The following ACYP2 variants were observed in gnomAD, a reference collection of about 807,000 sequenced individuals.
ACYP2 encodes acylphosphatase 2.
Under a neutral mutation model 11.2 loss-of-function variants are expected in ACYP2, and 12 were observed. That is an observed-to-expected ratio of 1.08 (90% CI 0.69 to 1.74). ACYP2 has a LOEUF of 1.74. Among genes scored for constraint, ACYP2 ranks in the 40% most tolerant of loss-of-function variants. ACYP2 has a pLI of 0.00. For missense variants in ACYP2, 134 were observed against 101.9 expected (o/e 1.31, Z -1.35); for synonymous variants, 43 against 32.2 (o/e 1.33, Z -1.13).
At position 54,002,900 on chromosome 2, in the gene ACYP2, G is replaced by A. The variant is rs1009775557; in HGVS notation, c.62+29090G>A. On this transcript the variant is annotated intron_variant, in intron 2 of 6. Coordinates refer to ENST00000607452, the MANE Select transcript of ACYP2 (RefSeq NM_001320586.2). The stretch of plus-strand genomic sequence containing the variant: ...TCACCTCAGGTGATCCGCCCGCCTC[G>A]GCCTCCCAAAGTGCTGGGATTACAG... 6.0e-5 allele frequency among the ~76,000 whole-genome samples: 9 copies of A among 150,878 alleles called. No homozygotes were observed. In the East Asian group the frequency reaches 9.8e-4, roughly 16 times the overall value.
intron 6 of ACYP2, among the ~76,000 whole-genome samples, chr2:54,196,724 G>A (rs1684497014): frequency 6.7e-6 from 1 of 148,806 alleles, no homozygotes; most frequent in Admixed American, 6.6e-5. Flanking sequence ...ACCCCCAGTC[G>A]TGGTCACCAA....
At chr2:54,050,077 G>A (rs1675757297) in intron 2 of ACYP2, among the ~76,000 whole-genome samples, 1 of 151,896 alleles carries the variant, frequency 6.6e-6, no homozygotes, top group South Asian at 2.1e-4. Context: ...AACATCAATA[G>A]GTTCTTGGAA....
At chr2:54,246,500 G>C (rs752097026) in intron 6 of ACYP2, among the ~76,000 whole-genome samples, 1 of 151,640 alleles carries the variant, frequency 6.6e-6, no homozygotes, top group East Asian at 1.9e-4. Flanking sequence ...TGCTATTGTA[G>C]ATAGTCTTCC....
At chr2:54,228,263 C>T (rs13415920) in intron 6 of ACYP2, among the ~76,000 whole-genome samples, 3 of 152,116 alleles carry the variant, frequency 2.0e-5, no homozygotes, top group African/African-American at 7.2e-5. Flanking sequence ...GAGCAAAGGT[C>T]TAAAGATAGT....
chr2:54,026,822 C>T (rs753232037), intron 2 of ACYP2, among the ~76,000 whole-genome samples: 1 of 151,584 alleles, frequency 6.6e-6, no homozygotes, highest in Non-Finnish European at 1.5e-5. Context: ...AACCAAACAT[C>T]GTATGTTCTC....
At chr2:54,264,413 T>C (rs1280321276) in intron 6 of ACYP2, among the ~76,000 whole-genome samples, 1 of 152,152 alleles carries the variant, frequency 6.6e-6, no homozygotes, top group East Asian at 1.9e-4. Context: ...TACAATCCTC[T>C]AGCTAGGCAG....
intron 4 of ACYP2, among the ~76,000 whole-genome samples, chr2:54,130,146 T>C (rs1680815508): frequency 6.6e-6 from 1 of 152,162 alleles, no homozygotes. Flanking sequence ...AAACAATGTA[T>C]GTGCAAGAAA....
At chr2:54,090,153 A>G (rs943833179) in intron 4 of ACYP2, among the ~76,000 whole-genome samples, 9 of 152,086 alleles carry the variant, frequency 5.9e-5, no homozygotes, top group Non-Finnish European at 8.8e-5. Flanking sequence ...TCAAAAAAAA[A>G]AAAAAGTTTG....
chr2:54,068,500 C>T lies in ACYP2; in HGVS notation c.277+11140C>T, dbSNP rs139097600. ...TGTGGGATGGCCATTGCTTTCGACT[C>T]ATGTGGATTAAGAAGAAACAGGTAT... is the stretch of plus-strand genomic sequence containing the variant. On this transcript the variant is annotated intron_variant, in intron 4 of 6. Transcript: ENST00000607452. 3.3e-5 allele frequency among the ~76,000 whole-genome samples: 5 copies of T among 152,260 alleles called. No individual in the cohort carries two copies. In the East Asian group the frequency reaches 9.7e-4, roughly 29 times the overall value.
At chr2:54,147,617 T>C (rs1323751032) in intron 6 of ACYP2, among the ~76,000 whole-genome samples, 1 of 152,176 alleles carries the variant, frequency 6.6e-6, no homozygotes, top group African/African-American at 2.4e-5. Context: ...CTTGATCTCC[T>C]GGGCTCAAGT....
chr2:54,027,397 A>G (rs908476790), intron 2 of ACYP2, among the ~76,000 whole-genome samples: 7 of 152,170 alleles, frequency 4.6e-5, no homozygotes, highest in Middle Eastern at 3.2e-3. Context: ...GGGAAGAAAT[A>G]TCAAACAGGG....
At chr2:54,011,977 T>G (rs1294062286) in intron 2 of ACYP2, among the ~76,000 whole-genome samples, 3 of 152,138 alleles carry the variant, frequency 2.0e-5, no homozygotes, top group African/African-American at 7.2e-5. Context: ...GGCTCACACT[T>G]GTAATCCTAG....
chr2:54,290,836 T>C (rs183335005), intron 6 of ACYP2, among the ~76,000 whole-genome samples: 51 of 152,342 alleles, frequency 3.3e-4, no homozygotes, highest in African/African-American at 1.2e-3. Context: ...CATCCTGGAC[T>C]GTGCATCCTT....
At chr2:54,032,897 C>G (rs565886866) in intron 2 of ACYP2, among the ~76,000 whole-genome samples, 1 of 152,016 alleles carries the variant, frequency 6.6e-6, no homozygotes, top group Non-Finnish European at 1.5e-5. Context: ...CCATACTGCC[C>G]GAGGAAAGCA....
At chr2:54,004,812 T>C (rs1031368591) in intron 2 of ACYP2, among the ~76,000 whole-genome samples, 12 of 149,846 alleles carry the variant, frequency 8.0e-5, no homozygotes, top group African/African-American at 2.9e-4. Context: ...GGAGAATCAC[T>C]TGAACCTGGA....
intron 2 of ACYP2, among the ~76,000 whole-genome samples, chr2:54,030,198 G>A (rs941817107): frequency 6.6e-6 from 1 of 152,170 alleles, no homozygotes; most frequent in Admixed American, 6.5e-5. Flanking sequence ...CTGTGATACT[G>A]GAGTGATTAT....
At chr2:54,177,837 C>A (rs1291034886) in intron 6 of ACYP2, among the ~76,000 whole-genome samples, 2 of 151,244 alleles carry the variant, frequency 1.3e-5, no homozygotes, top group Admixed American at 1.3e-4. Context: ...CACTCGGCCT[C>A]CCAGAGTGCT....
chr2:54,065,302 G>A (rs1676690142), intron 4 of ACYP2, among the ~76,000 whole-genome samples: 1 of 152,122 alleles, frequency 6.6e-6, no homozygotes, highest in African/African-American at 2.4e-5. Flanking sequence ...GTTTGAATTG[G>A]ATGTTGACTA....
At chr2:54,286,164 G>A (rs1689071063) in intron 6 of ACYP2, among the ~76,000 whole-genome samples, 1 of 150,376 alleles carries the variant, frequency 6.6e-6, no homozygotes, top group Admixed American at 6.6e-5. Flanking sequence ...AGGCCAAGAT[G>A]GGAGGATTTC....
Sources: allele counts gnomAD v4.1 joint callset (sites outside exome capture counted in the v4.1 genomes callset), GRCh38; gene constraint gnomAD v4.1.1; transcripts MANE v1.5; gene names NCBI Gene and HGNC (gene_info 2026-07-23, HGNC 2026-07-21).